Variants in NEO1 observed in about 807,000 individuals in gnomAD.
The protein encoded by NEO1 is neogenin.
In NEO1, 63 loss-of-function variants were observed where a neutral mutation model predicts 159.7. The observed-to-expected ratio is 0.39, with a 90% CI of 0.32 to 0.49. The LOEUF (loss-of-function observed/expected upper bound fraction) is 0.49, where lower values mean the gene tolerates loss of function less well. NEO1 is among the 20% of genes least tolerant of loss of function. NEO1 has a pLI of 0.85. For missense variants in NEO1, 1,615 were observed against 1,831.0 expected (o/e 0.88, Z 2.15); for synonymous variants, 633 against 662.0 (o/e 0.96, Z 0.67).
chr15:73,092,429 C>T (rs941442970), intron 1 of NEO1, among the ~76,000 whole-genome samples: 13 of 152,228 alleles, frequency 8.5e-5, no homozygotes, highest in African/African-American at 3.1e-4. Context: ...TTAATTATGG[C>T]ATTAGTTTTT....
chr15:73,275,735 T>A (rs1249833248), intron 21 of NEO1, among the ~76,000 whole-genome samples: 1 of 152,210 alleles, frequency 6.6e-6, no homozygotes, highest in Non-Finnish European at 1.5e-5. Flanking sequence ...GTCACCATTC[T>A]TGAAACCATC....
intron 11 of NEO1, among the ~76,000 whole-genome samples, chr15:73,250,376 G>A (rs895118999): frequency 6.6e-6 from 1 of 152,046 alleles, no homozygotes; most frequent in Non-Finnish European, 1.5e-5. Context: ...TAAATCTTAT[G>A]TTTTAGAAAA....
chr15:73,216,074 C>T, intron 7 of NEO1, among the ~76,000 whole-genome samples: 1 of 133,986 alleles, frequency 7.5e-6, no homozygotes. Context: ...CAGTGCTATC[C>T]CTCCCCCCTC....
intron 23 of NEO1, 147 bp downstream of exon 23, chr15:73,283,258 G>C: frequency 1.0e-6 from 1 of 984,854 alleles, no homozygotes; most frequent in Non-Finnish European, 1.5e-6. Context: ...ATGGGAAGTG[G>C]TTCCTCTTAT....
chr15:73,078,748 A>G (rs2068898668), intron 1 of NEO1, among the ~76,000 whole-genome samples: 1 of 152,222 alleles, frequency 6.6e-6, no homozygotes, highest in African/African-American at 2.4e-5. Context: ...AAACACTAGC[A>G]GCGCTGGGTG....
intron 1 of NEO1, among the ~76,000 whole-genome samples, chr15:73,079,329 G>T (rs2068929361): frequency 6.6e-6 from 1 of 152,096 alleles, no homozygotes; most frequent in Admixed American, 6.5e-5. Flanking sequence ...CTTGAAAAGA[G>T]TACCAATAAT....
intron 8 of NEO1, 144 bp from the exon 9 acceptor site, chr15:73,244,200 C>T: frequency 1.2e-6 from 1 of 804,110 alleles, no homozygotes. Context: ...ATCTTCTTTG[C>T]ACTGTCCTAC....
Position 73,270,066 on chromosome 15 carries a change from C to T in NEO1, c.2551C>T (p.Pro851Ser). 6.2e-7 allele frequency: 1 copy of T among 1,614,164 alleles called. No individual in the cohort carries two copies. The highest frequency in any genetic ancestry group is 1.1e-5 in the South Asian group (1 of 91,070). ...INAPYTPVPD[P>S]TPMMPPVGVQ... ...TGCTCCATACACTCCAGTGCCAGAT[C>T]CCACTCCCATGATGCCACCAGTGGG... The change falls in exon 17 of 29, where the codon CCC becomes TCC. Residue 851 changes from proline to serine, a missense_variant. By Grantham distance (74) the Pro-to-Ser change is moderately conservative (BLOSUM62 -1). Transcript: ENST00000261908.
chr15:73,098,736 A>G (rs1040376826), intron 1 of NEO1, among the ~76,000 whole-genome samples: 1 of 152,116 alleles, frequency 6.6e-6, no homozygotes, highest in African/African-American at 2.4e-5. Flanking sequence ...GCCTGTTTTT[A>G]TATTTTGGCC....
rs570235744 is a variant in NEO1, at chr15:73,223,297, A to T, written c.1292-13050A>T. 8.1e-4 allele frequency among the ~76,000 whole-genome samples: 124 copies of T among 152,242 alleles called. 2 individuals are homozygous for T. In the South Asian group the frequency reaches 0.018, roughly 22 times the overall value. The stretch of plus-strand genomic sequence containing the variant: ...TGTTCTGTATATATCTGTTAAGTCC[A>T]TTTGTTCCAAGGTATAGTTTAAATC... On this transcript the variant is annotated intron_variant, in intron 7 of 28. Coordinates refer to ENST00000261908, the MANE Select transcript of NEO1 (RefSeq NM_002499.4).
intron 7 of NEO1, among the ~76,000 whole-genome samples, chr15:73,212,695 G>C (rs1486539879): frequency 6.6e-6 from 1 of 151,840 alleles, no homozygotes; most frequent in Non-Finnish European, 1.5e-5. Context: ...AAGATAACAT[G>C]TATAGGAAAG....
chr15:73,138,389 A>G (rs2031994896), intron 5 of NEO1, among the ~76,000 whole-genome samples: 1 of 152,254 alleles, frequency 6.6e-6, no homozygotes, highest in African/African-American at 2.4e-5. Flanking sequence ...GCACAAAGAT[A>G]CGTTGAAAAC....
intron 7 of NEO1, among the ~76,000 whole-genome samples, chr15:73,194,844 TTAAAAG>T (rs1309391819): frequency 6.6e-6 from 1 of 152,234 alleles, no homozygotes. Flanking sequence ...TTTACACTAA[TTAAAAG>T]TAGAGGGATT....
chr15:73,293,573 AT>A, intron 26 of NEO1, 25 bp downstream of exon 26: 3 of 1,601,346 alleles, frequency 1.9e-6, no homozygotes, highest in Non-Finnish European at 2.6e-6. Flanking sequence ...TCAAGCCCAG[AT>A]GGAAACCATT....
intron 1 of NEO1, among the ~76,000 whole-genome samples, chr15:73,095,698 A>G (rs2069986649): frequency 1.3e-5 from 2 of 151,348 alleles, no homozygotes; most frequent in South Asian, 4.2e-4. Context: ...AGATTAAAGT[A>G]ATGGAATTCA....
Position 73,270,048 on chromosome 15 carries a change from T to A in NEO1, c.2533T>A (p.Tyr845Asn). ...EVDLFVINAPYTPVPDPTPMM... is the reference protein window; with the variant it reads ...EVDLFVINAPNTPVPDPTPMM... Reference sequence around the variant, plus strand: ...TGATTTATTTGTTATTAATGCTCCATACACTCCAGTGCCAGATCCCACTCC... The same window carrying A: ...TGATTTATTTGTTATTAATGCTCCAAACACTCCAGTGCCAGATCCCACTCC... Residue 845 changes from tyrosine to asparagine, a missense_variant, in exon 17 of 29, where the codon TAC becomes AAC. By Grantham distance (143) the Tyr-to-Asn change is moderately radical (BLOSUM62 -2). Around this residue, in one of 3 missense-constraint regions of NEO1, gnomAD observed 1,018 missense variants for 1,115.4 expected, o/e 0.91. Transcript: ENST00000261908. 6.2e-7 allele frequency: 1 copy of A among 1,614,196 alleles called. No homozygotes were observed. Among genetic ancestry groups the A allele is most frequent in the Non-Finnish European group, 8.5e-7 (1 of 1,180,034 alleles).
At chr15:73,120,269 T>C (rs1308183035) in intron 2 of NEO1, among the ~76,000 whole-genome samples, 1 of 151,892 alleles carries the variant, frequency 6.6e-6, no homozygotes, top group Non-Finnish European at 1.5e-5. Flanking sequence ...TTAATTCTTA[T>C]CTTCTGATAT....
rs142020358 is a variant in NEO1, at chr15:73,153,959, T to C, written c.1015+17932T>C. Among the ~76,000 whole-genome samples, 57 of 152,326 alleles carry C rather than the reference T, an allele frequency of 3.7e-4. 1 individual carries two copies. In the East Asian group the frequency reaches 0.01, roughly 27 times the overall value. On this transcript the variant is annotated intron_variant, in intron 5 of 28. Coordinates refer to ENST00000261908, the MANE Select transcript of NEO1 (RefSeq NM_002499.4). ...TTTGACTTGCCAAGAAATTTAATTA[T>C]AGTAGAAATAATATCAAGCAATTTT...
intron 7 of NEO1, among the ~76,000 whole-genome samples, chr15:73,196,284 G>A (rs1430392975): frequency 1.3e-5 from 2 of 152,186 alleles, no homozygotes; most frequent in Non-Finnish European, 2.9e-5. Flanking sequence ...GCAAGAATGG[G>A]AGGAGTATTT....
Sources: allele counts gnomAD v4.1 joint callset (sites outside exome capture counted in the v4.1 genomes callset), GRCh38; gene constraint gnomAD v4.1.1; regional missense constraint gnomAD v4.1.1; transcripts MANE v1.5; gene names NCBI Gene and HGNC (gene_info 2026-07-23, HGNC 2026-07-21).